The following OR6N1 variants were observed in gnomAD, a reference collection of about 807,000 sequenced individuals.
The protein encoded by OR6N1 is olfactory receptor family 6 subfamily N member 1, also known as olfactory receptor 6N1.
For synonymous variants in OR6N1, 170 were observed against 150.7 expected (o/e 1.13, Z -0.94); for missense variants, 394 against 371.7 (o/e 1.06, Z -0.49).
At chr1:158,818,434 G>T in the OR6N1 span, among the ~76,000 whole-genome samples, 1 of 152,186 alleles carries the variant, frequency 6.6e-6, no homozygotes, top group Admixed American at 6.5e-5. Flanking sequence ...AATGAGAAGG[G>T]TTAGAAATCC....
At chr1:158,835,230 G>T in the OR6N1 span, among the ~76,000 whole-genome samples, 1 of 152,138 alleles carries the variant, frequency 6.6e-6, no homozygotes, top group African/African-American at 2.4e-5. Context: ...CACCTTAACA[G>T]TATCAAGTCT....
At chr1:158,789,504 C>A in the OR6N1 span, among the ~76,000 whole-genome samples, 1 of 152,048 alleles carries the variant, frequency 6.6e-6, no homozygotes, top group South Asian at 2.1e-4. Context: ...TCCATTTTAC[C>A]CTCTCTTTTT....
the OR6N1 span, among the ~76,000 whole-genome samples, chr1:158,840,268 A>T: frequency 6.6e-6 from 1 of 152,174 alleles, no homozygotes; most frequent in Non-Finnish European, 1.5e-5. Context: ...ATGAAGAAAT[A>T]CCTGAGACTG....
At chr1:158,768,940 T>C (rs1023856596) in intron 1 of OR6N1, among the ~76,000 whole-genome samples, 1 of 152,230 alleles carries the variant, frequency 6.6e-6, no homozygotes, top group African/African-American at 2.4e-5. Context: ...TCTTTGATTA[T>C]AAGTTCCTTA....
chr1:158,777,530 G>A, the OR6N1 span: 6,108 of 1,614,124 alleles, frequency 3.8e-3, 21 homozygotes, highest in Non-Finnish European at 4.6e-3. Flanking sequence ...ATGGTGAACA[G>A]GTATGCCAAT....
the OR6N1 span, among the ~76,000 whole-genome samples, chr1:158,802,444 G>T: frequency 6.6e-6 from 1 of 151,888 alleles, no homozygotes; most frequent in Non-Finnish European, 1.5e-5. Flanking sequence ...TCCTGACCTC[G>T]TGATCCACCC....
the OR6N1 span, among the ~76,000 whole-genome samples, chr1:158,819,721 C>T: frequency 4.6e-5 from 7 of 152,204 alleles, no homozygotes; most frequent in African/African-American, 1.7e-4. Flanking sequence ...ATCTGCCTGT[C>T]TGCACATCTC....
chr1:158,834,628 T>C, the OR6N1 span, among the ~76,000 whole-genome samples: 1 of 152,188 alleles, frequency 6.6e-6, no homozygotes, highest in African/African-American at 2.4e-5. Flanking sequence ...GTTGTTGTAG[T>C]CTAATTTATC....
At chr1:158,781,854 T>C in the OR6N1 span, among the ~76,000 whole-genome samples, 1 of 152,260 alleles carries the variant, frequency 6.6e-6, no homozygotes, top group African/African-American at 2.4e-5. Flanking sequence ...CTAAGCACAA[T>C]GTATGCACAG....
At chr1:158,823,728 T>G in the OR6N1 span, among the ~76,000 whole-genome samples, 1 of 152,132 alleles carries the variant, frequency 6.6e-6, no homozygotes, top group Admixed American at 6.5e-5. Context: ...AGCTCTGATT[T>G]TGGTTATTTC....
the OR6N1 span, among the ~76,000 whole-genome samples, chr1:158,792,015 G>A: frequency 6.6e-6 from 1 of 152,152 alleles, no homozygotes; most frequent in Non-Finnish European, 1.5e-5. Flanking sequence ...CACTATTATT[G>A]TGTTGCTGTC....
At chr1:158,787,348 T>A in the OR6N1 span, among the ~76,000 whole-genome samples, 1 of 152,058 alleles carries the variant, frequency 6.6e-6, no homozygotes, top group Non-Finnish European at 1.5e-5. Flanking sequence ...TCTTTAAAAA[T>A]TAATCTCAAG....
At chr1:158,781,689 C>T in the OR6N1 span, among the ~76,000 whole-genome samples, 1 of 152,162 alleles carries the variant, frequency 6.6e-6, no homozygotes, top group Non-Finnish European at 1.5e-5. Context: ...TAATATTCTT[C>T]CTTTGAGAAT....
the OR6N1 span, among the ~76,000 whole-genome samples, chr1:158,802,354 T>C: frequency 1.1e-4 from 17 of 151,948 alleles, no homozygotes; most frequent in Admixed American, 7.9e-4. Context: ...ACAACAGGCA[T>C]GTGCCACCAC....
At chr1:158,788,782 T>C in the OR6N1 span, among the ~76,000 whole-genome samples, 1 of 152,194 alleles carries the variant, frequency 6.6e-6, no homozygotes, top group Non-Finnish European at 1.5e-5. Flanking sequence ...TGTAGTTTTG[T>C]ACCCATTAAT....
At chr1:158,813,276 G>A in the OR6N1 span, among the ~76,000 whole-genome samples, 48,045 of 151,984 alleles carry the variant, frequency 0.32, 7,872 homozygotes, top group Non-Finnish European at 0.36. Flanking sequence ...TCCTGCAGAT[G>A]TGTATACACA....
At chr1:158,832,689 A>C in the OR6N1 span, among the ~76,000 whole-genome samples, 11 of 151,872 alleles carry the variant, frequency 7.2e-5, no homozygotes, top group Non-Finnish European at 1.2e-4. Context: ...TTATTGACTT[A>C]AGCCTATTTT....
At chr1:158,770,870 C>T (rs1657408536) in intron 1 of OR6N1, among the ~76,000 whole-genome samples, 1 of 152,166 alleles carries the variant, frequency 6.6e-6, no homozygotes, top group Non-Finnish European at 1.5e-5. Flanking sequence ...ACAGTTCTCT[C>T]CATTTTTGAA....
In OR6N1 at chr1:158,764,370, TA is replaced by T. The variant is rs1402006767; in HGVS notation, c.*1373del. Reference sequence around the variant, plus strand: ...AATTATAATTAATTATAACTAATTATAAATTAATTATAATTTTAATATTTAT... The same window carrying T: ...AATTATAATTAATTATAACTAATTATAATTAATTATAATTTTAATATTTAT... On this transcript the variant is annotated 3_prime_UTR_variant, in exon 2 of 2. Transcript: ENST00000641846. 1 of 151,410 alleles carries T rather than the reference TA, an allele frequency of 6.6e-6. No homozygotes were observed. The highest frequency in any genetic ancestry group is 2.4e-5 in the African/African-American group (1 of 41,354). The allele number at this position is 151,410 out of a possible 1,614,324, so 9.4% of individuals were successfully genotyped here. A position where few individuals can be genotyped will look rare whatever the true frequency, so the allele number is the denominator to read the frequency against.
Sources: gnomAD v4.1 joint callset for allele counts (sites outside exome capture counted in the v4.1 genomes callset) on GRCh38, gnomAD v4.1.1 for gene constraint, MANE v1.5 for transcripts, NCBI Gene and HGNC (gene_info 2026-07-23, HGNC 2026-07-21) for gene names.